DPP10: variants seen among roughly 807,000 people sequenced by gnomAD.
DPP10 encodes inactive dipeptidyl peptidase 10.
Under a neutral mutation model 120.9 loss-of-function variants are expected in DPP10, and 33 were observed. That is an observed-to-expected ratio of 0.27 (90% CI 0.21 to 0.37). DPP10 has a LOEUF of 0.37. Among genes scored for constraint, DPP10 ranks in the 10% least tolerant of loss-of-function variants. The probability of loss-of-function intolerance (pLI) is 1.00; values close to 1 mark genes in which losing one functional copy is unlikely to be tolerated. For synonymous variants in DPP10, 337 were observed against 326.1 expected, an observed-to-expected ratio of 1.03 and a Z score of -0.36; for missense variants, 816 against 942.8, an observed-to-expected ratio of 0.87 and a Z score of 1.76.
chr2:115,384,468 GGAAGAAGAAGGAAGAA>G (rs2066711733), intron 3 of DPP10, among the ~76,000 whole-genome samples: 1 of 146,620 alleles, frequency 6.8e-6, no homozygotes, highest in Non-Finnish European at 1.5e-5. Context: ...GGAAGAAGAA[GGAAGAAGAAGGAAGAA>G]GAAGAAGAAG....
chr2:114,493,220 C>T (rs927457196), intron 1 of DPP10, among the ~76,000 whole-genome samples: 3 of 152,122 alleles, frequency 2.0e-5, no homozygotes, highest in African/African-American at 7.2e-5. Context: ...GTTTCAATCC[C>T]GGCTCCACTA....
At position 115,844,914 on chromosome 2, in the gene DPP10, T is replaced by C. The variant is rs1690493856; in HGVS notation, c.*2569T>C. 6.6e-6 allele frequency: 1 copy of C among 152,200 alleles called. No individual in the cohort carries two copies. The highest frequency in any genetic ancestry group is 1.5e-5 in the Non-Finnish European group (1 of 68,034). 9.4% of individuals were successfully genotyped at this position (152,200 alleles called of 1,614,324 possible). ...AAATACTCAGAGACTAAGCAGGCTA[T>C]TCTCATCTCTTTGAGTTTCCTGACA... On this transcript the variant is annotated 3_prime_UTR_variant, in exon 26 of 26. Coordinates refer to ENST00000410059, the MANE Select transcript of DPP10 (RefSeq NM_020868.6).
intron 1 of DPP10, among the ~76,000 whole-genome samples, chr2:115,075,306 C>T (rs1195552494): frequency 6.6e-6 from 1 of 152,206 alleles, no homozygotes; most frequent in Non-Finnish European, 1.5e-5. Flanking sequence ...CTTGCACATA[C>T]TCAGCAATCC....
chr2:115,498,918 A>C (rs1274891857), intron 3 of DPP10, among the ~76,000 whole-genome samples: 1 of 151,990 alleles, frequency 6.6e-6, no homozygotes, highest in African/African-American at 2.4e-5. Context: ...GAGTTGAAAA[A>C]GTTCATTCAT....
chr2:115,363,833 A>G (rs1163662200), intron 3 of DPP10, among the ~76,000 whole-genome samples: 1 of 152,176 alleles, frequency 6.6e-6, no homozygotes, highest in African/African-American at 2.4e-5. Context: ...ACAGTTATTT[A>G]TTGGGAGTTG....
At chr2:115,576,874 T>A (rs2081700401) in intron 5 of DPP10, among the ~76,000 whole-genome samples, 1 of 152,228 alleles carries the variant, frequency 6.6e-6, no homozygotes, top group South Asian at 2.1e-4. Context: ...CTCATGCATC[T>A]TTCTTTGATG....
At chr2:114,675,974 AT>A (rs1698647112) in intron 1 of DPP10, among the ~76,000 whole-genome samples, 1 of 151,910 alleles carries the variant, frequency 6.6e-6, no homozygotes, top group Non-Finnish European at 1.5e-5. Flanking sequence ...TAATTTTTGT[AT>A]TTTTAGTAGA....
intron 5 of DPP10, among the ~76,000 whole-genome samples, chr2:115,620,817 T>C (rs183255355): frequency 1.8e-4 from 27 of 152,328 alleles, no homozygotes; most frequent in African/African-American, 5.8e-4. Flanking sequence ...TAATTTATTA[T>C]TGAAGTTAGA....
At chr2:115,378,029 G>A (rs1209436117) in intron 3 of DPP10, among the ~76,000 whole-genome samples, 6 of 151,778 alleles carry the variant, frequency 4.0e-5, no homozygotes, top group East Asian at 3.9e-4. Flanking sequence ...TTGACTTGGC[G>A]ATGCGGGCTG....
chr2:115,057,635 A>G (rs887482813), intron 1 of DPP10, among the ~76,000 whole-genome samples: 31 of 152,238 alleles, frequency 2.0e-4, no homozygotes, highest in Non-Finnish European at 3.1e-4. Flanking sequence ...GTAAATGTGC[A>G]TGTGTTAGCA....
At chr2:115,217,769 C>T (rs2056917279) in intron 1 of DPP10, among the ~76,000 whole-genome samples, 1 of 152,162 alleles carries the variant, frequency 6.6e-6, no homozygotes. Context: ...CCAAAATACA[C>T]TGCTGATTCA....
At position 115,621,426 on chromosome 2, in the gene DPP10, A is replaced by G. The variant is rs182764313; in HGVS notation, c.442-68261A>G. ...ATACTTTGTGATACACAGTTGACAC[A>G]AGACAAATCTAAATAAAAAATGAGA... On this transcript the variant is annotated intron_variant, in intron 5 of 25. Transcript: ENST00000410059. Among the ~76,000 whole-genome samples the G allele has an allele frequency of 3.1e-3, 476 of 152,362 alleles. 2 individuals are homozygous for G. The highest frequency in any genetic ancestry group is 0.011 in the African/African-American group (453 of 41,584).
chr2:115,021,732 C>A (rs952946627), intron 1 of DPP10, among the ~76,000 whole-genome samples: 3 of 151,968 alleles, frequency 2.0e-5, no homozygotes, highest in Non-Finnish European at 4.4e-5. Flanking sequence ...AGACCAATAT[C>A]ACTGATCAAT....
At chr2:114,607,379 T>C (rs932215729) in intron 1 of DPP10, among the ~76,000 whole-genome samples, 6 of 152,164 alleles carry the variant, frequency 3.9e-5, no homozygotes, top group Non-Finnish European at 8.8e-5. Flanking sequence ...TATGTGCCTA[T>C]GTGACAAAAG....
intron 1 of DPP10, among the ~76,000 whole-genome samples, chr2:115,108,579 AG>A (rs2049061154): frequency 6.6e-6 from 1 of 152,228 alleles, no homozygotes; most frequent in South Asian, 2.1e-4. Flanking sequence ...TTGGCCTACC[AG>A]TAAGCCAATT....
chr2:115,536,157 C>T (rs912080966), intron 5 of DPP10, among the ~76,000 whole-genome samples: 10 of 151,918 alleles, frequency 6.6e-5, no homozygotes, highest in African/African-American at 2.4e-4. Context: ...TATCCACCTC[C>T]GTTTTTTAGA....
At chr2:115,070,395 T>C (rs912978898) in intron 1 of DPP10, among the ~76,000 whole-genome samples, 1 of 152,168 alleles carries the variant, frequency 6.6e-6, no homozygotes, top group African/African-American at 2.4e-5. Flanking sequence ...AACAAATATA[T>C]GGCAGAGAAT....
chr2:115,053,238 G>T (rs1705646909), intron 1 of DPP10, among the ~76,000 whole-genome samples: 1 of 152,154 alleles, frequency 6.6e-6, no homozygotes, highest in South Asian at 2.1e-4. Flanking sequence ...CTGATGAATG[G>T]GTAAACAATA....
At chr2:115,620,354 A>G (rs1172567312) in intron 5 of DPP10, among the ~76,000 whole-genome samples, 1 of 152,248 alleles carries the variant, frequency 6.6e-6, no homozygotes, top group African/African-American at 2.4e-5. Flanking sequence ...TGTAGCTGTC[A>G]TCTTCTAGTT....
Sources: gnomAD v4.1 joint callset for allele counts (sites outside exome capture counted in the v4.1 genomes callset) on GRCh38, gnomAD v4.1.1 for gene constraint, MANE v1.5 for transcripts, NCBI Gene and HGNC (gene_info 2026-07-23, HGNC 2026-07-21) for gene names.